CHUK: variants seen among roughly 807,000 people sequenced by gnomAD.
CHUK encodes the protein inhibitor of nuclear factor kappa-B kinase subunit alpha.
CHUK carries 35 observed loss-of-function variants against 104.8 expected under a neutral mutation model. That is an observed-to-expected ratio of 0.33 (90% confidence interval 0.26 to 0.44). The LOEUF (loss-of-function observed/expected upper bound fraction) is 0.44, where lower values mean the gene tolerates loss of function less well. Ranked by LOEUF, CHUK falls within the 20% of genes least tolerant of loss-of-function variation. The probability of loss-of-function intolerance (pLI) is 1.00; values close to 1 mark genes in which losing one functional copy is unlikely to be tolerated. For synonymous variants in CHUK, 276 were observed against 291.9 expected (o/e 0.95, Z 0.56); for missense variants, 663 against 902.7 (o/e 0.73, Z 3.40).
chr10:100,229,480 C>T lies in CHUK; in HGVS notation c.53G>A (p.Arg18Gln). ...GAAGCCGCCGGTGCCCAGCCGCTCCCGCATCTCCCAGGGCCCGCCCGCGCC... is the reference window on the plus strand; with the variant it reads ...GAAGCCGCCGGTGCCCAGCCGCTCCTGCATCTCCCAGGGCCCGCCCGCGCC... ...RPGAGGPWEM[R>Q]ERLGTGGFGN... The change falls in exon 1 of 21, where the codon CGG becomes CAG. Residue 18 changes from arginine to glutamine, a missense_variant. By Grantham distance (43) the Arg-to-Gln change is conservative. This residue lies in a region of CHUK where 44 missense variants were observed against 39.2 expected (regional missense o/e 1.12). Transcript: ENST00000370397. The T allele has an allele frequency of 4.4e-6, 7 of 1,597,964 alleles. No homozygotes were observed. The highest frequency in any genetic ancestry group is 5.1e-6 in the Non-Finnish European group (6 of 1,176,002).
intron 9 of CHUK, among the ~76,000 whole-genome samples, chr10:100,214,387 G>A (rs530552360): frequency 8.5e-5 from 13 of 152,198 alleles, no homozygotes; most frequent in African/African-American, 2.9e-4. Context: ...TATACTAAGA[G>A]AACTAAGGTA....
chr10:100,189,652 C>T, intron 20 of CHUK, 25 bp from the exon 21 acceptor site: 1 of 1,586,626 alleles, frequency 6.3e-7, no homozygotes, highest in Non-Finnish European at 8.7e-7. Context: ...GAAAAAGTTA[C>T]AATTAGATGT....
At chr10:100,223,507 G>A (rs938512799) in intron 2 of CHUK, among the ~76,000 whole-genome samples, 2 of 151,698 alleles carry the variant, frequency 1.3e-5, no homozygotes, top group African/African-American at 2.4e-5. Context: ...GTGTGGTGGC[G>A]CATGCCTATA....
chr10:100,202,801 T>C (rs1845501617), intron 13 of CHUK, among the ~76,000 whole-genome samples: 1 of 152,140 alleles, frequency 6.6e-6, no homozygotes, highest in African/African-American at 2.4e-5. Flanking sequence ...TCTCACTCTG[T>C]CACCCAGGCT....
chr10:100,217,971 T>C, intron 9 of CHUK, 24 bp downstream of exon 9: 1 of 1,605,888 alleles, frequency 6.2e-7, no homozygotes, highest in Non-Finnish European at 8.5e-7. Flanking sequence ...GCTGGTCTTA[T>C]GCAGTAGACC....
At chr10:100,228,924 C>T (rs907261606) in intron 1 of CHUK, among the ~76,000 whole-genome samples, 3 of 151,602 alleles carry the variant, frequency 2.0e-5, no homozygotes, top group African/African-American at 7.3e-5. Context: ...CTGGACCCAT[C>T]ATGAAGCCTT....
At chr10:100,193,465 AG>A (rs1216994711) in intron 18 of CHUK, 34 bp from the exon 19 acceptor site, 2 of 1,613,104 alleles carry the variant, frequency 1.2e-6, no homozygotes, top group Non-Finnish European at 1.7e-6. Context: ...AAAAGATTAC[AG>A]GCAAGCATCT....
intron 9 of CHUK, among the ~76,000 whole-genome samples, chr10:100,211,109 A>G (rs571768194): frequency 6.6e-6 from 1 of 152,298 alleles, no homozygotes; most frequent in Admixed American, 6.5e-5. Flanking sequence ...TTAAAACACA[A>G]ATCTGAATTG....
At chr10:100,220,922 A>G (rs1358339355) in intron 4 of CHUK, among the ~76,000 whole-genome samples, 1 of 152,238 alleles carries the variant, frequency 6.6e-6, no homozygotes, top group Non-Finnish European at 1.5e-5. Flanking sequence ...AAATGCAACA[A>G]GCAATTGGGA....
At chr10:100,228,106 C>G (rs537066098) in intron 1 of CHUK, among the ~76,000 whole-genome samples, 1 of 152,132 alleles carries the variant, frequency 6.6e-6, no homozygotes, top group African/African-American at 2.4e-5. Context: ...GGTCAGGTAC[C>G]GTATTTAGCT....
In CHUK at chr10:100,209,711, G is replaced by T; in HGVS notation, c.1012C>A (p.Gln338Lys). The change falls in exon 10 of 21, where the codon CAG (glutamine) becomes AAG (lysine). Residue 338 changes from glutamine (Q) to lysine (K), a missense_variant. By Grantham distance (53) the Gln-to-Lys change is moderately conservative. Around this residue, in one of 5 missense-constraint regions of CHUK, gnomAD observed 93 missense variants for 95.9 expected, o/e 0.97. Transcript: ENST00000370397. ...CCAGTTTCACGCTCAATACGAGACT[G>T]TAGTGAATGAAGACTTTCATCAGGT... ...LPPDESLHSL[Q>K]SRIERETGIN... The T allele has an allele frequency of 1.3e-6, 2 of 1,572,266 alleles. No individual in the cohort carries two copies. Among genetic ancestry groups the T allele is most frequent in the East Asian group, 2.2e-5 (1 of 44,672 alleles).
At chr10:100,225,433 T>C (rs1846082597) in intron 2 of CHUK, among the ~76,000 whole-genome samples, 1 of 152,232 alleles carries the variant, frequency 6.6e-6, no homozygotes. Flanking sequence ...CAGAGTTTCA[T>C]TCCTTTTTAA....
In CHUK at chr10:100,204,527, C is replaced by G. The variant is rs767457318; in HGVS notation, c.1486G>C (p.Glu496Gln). 2 of 1,613,578 alleles carry G rather than the reference C, an allele frequency of 1.2e-6. No homozygotes were observed. Among genetic ancestry groups the G allele is most frequent in the Admixed American group, 3.3e-5 (2 of 60,032 alleles). Reference sequence around the variant, plus strand: ...TTACATATCCCATACGTCATCTGCTCGCTGTATCTCTCCAAGTCAAGCTGA... The same window carrying G: ...TTACATATCCCATACGTCATCTGCTGGCTGTATCTCTCCAAGTCAAGCTGA... The part of the protein sequence containing the change: ...SIQLDLERYS[E>Q]QMTYGISSEK... The change falls in exon 13 of 21, where the codon GAG becomes CAG. Residue 496 changes from glutamate to glutamine, a missense_variant. This residue lies in a region of CHUK where 311 missense variants were observed against 393.4 expected (regional missense o/e 0.79). Coordinates refer to ENST00000370397, the MANE Select transcript of CHUK (RefSeq NM_001278.5).
At chr10:100,191,585 C>T (rs1203298994) in intron 19 of CHUK, among the ~76,000 whole-genome samples, 1 of 152,182 alleles carries the variant, frequency 6.6e-6, no homozygotes, top group East Asian at 1.9e-4. Flanking sequence ...GAAGGCAGTC[C>T]TGATTGTGGT....
At chr10:100,228,987 GCGCGCGCACACA>G (rs1441318202) in intron 1 of CHUK, among the ~76,000 whole-genome samples, 4 of 84,788 alleles carry the variant, frequency 4.7e-5, no homozygotes, top group South Asian at 3.3e-4. Context: ...GCGCGCGCGC[GCGCGCGCACACA>G]CACACACACA....
At chr10:100,229,381 C>A (rs1293135851) in intron 1 of CHUK, 47 bp downstream of exon 1, 2 of 1,408,656 alleles carry the variant, frequency 1.4e-6, no homozygotes, top group African/African-American at 1.4e-5. Context: ...CGCTCAAACC[C>A]ACCGCCGCTC....
At chr10:100,206,795 T>G (rs762029097) in intron 11 of CHUK, among the ~76,000 whole-genome samples, 1 of 152,230 alleles carries the variant, frequency 6.6e-6, no homozygotes. Context: ...CTTTACTTTA[T>G]TTGGACAGAT....
At position 100,202,274 on chromosome 10, in the gene CHUK, A is replaced by G. The variant is rs1845480964; in HGVS notation, c.1508-125T>C. ...GTTGAATTGTGGTCCCCCAAAAGAT[A>G]TGTGGAATTCCTAACCCCTAATACC... On this transcript the variant is annotated intron_variant, in intron 13 of 20. Transcript: ENST00000370397. The G allele has an allele frequency of 8.3e-6, 6 of 720,204 alleles. No individual in the cohort carries two copies. In the South Asian group the frequency reaches 8.7e-5, roughly 10 times the overall value. The allele number at this position is 720,204 out of a possible 1,614,324, so 44.6% of individuals were successfully genotyped here.
downstream of CHUK, chr10:100,186,687 A>C (rs1845016176): frequency 6.6e-6 from 1 of 152,232 alleles, no homozygotes; most frequent in South Asian, 2.1e-4. Flanking sequence ...GGTAGGCGTC[A>C]CTACATATTC....
Sources: gnomAD v4.1 joint callset for allele counts (sites outside exome capture counted in the v4.1 genomes callset) on GRCh38, gnomAD v4.1.1 for gene constraint, gnomAD v4.1.1 regional missense constraint, MANE v1.5 for transcripts, NCBI Gene and HGNC (gene_info 2026-07-23, HGNC 2026-07-21) for gene names.